Variants in ST7 observed in about 807,000 individuals in gnomAD.
ST7 encodes the protein suppression of tumorigenicity 7, also known as suppressor of tumorigenicity 7 protein.
A neutral mutation model predicts 78.7 loss-of-function variants in ST7; 28 were observed. The ratio of observed to expected loss-of-function variants is 0.36; its 90% CI spans 0.26 to 0.49. The LOEUF (loss-of-function observed/expected upper bound fraction) is 0.49. ST7 is among the 20% of genes least tolerant of loss of function. The pLI is 0.99. For missense variants in ST7, 418 were observed against 696.0 expected (o/e 0.60, Z 4.49); for synonymous variants, 247 against 249.6 (o/e 0.99, Z 0.10).
chr7:117,102,580 CTT>C (rs1801644066), intron 2 of ST7, among the ~76,000 whole-genome samples: 1 of 152,052 alleles, frequency 6.6e-6, no homozygotes, highest in African/African-American at 2.4e-5. Context: ...AGGTTTCTAA[CTT>C]TATTAATTAA....
At chr7:117,060,503 CA>C (rs2116438088) in intron 1 of ST7, among the ~76,000 whole-genome samples, 1 of 152,228 alleles carries the variant, frequency 6.6e-6, no homozygotes, top group East Asian at 1.9e-4. Context: ...AAATGCTTGA[CA>C]AATACATTTA....
At chr7:117,125,047 A>C (rs1224644170) in intron 3 of ST7, among the ~76,000 whole-genome samples, 1 of 152,168 alleles carries the variant, frequency 6.6e-6, no homozygotes. Context: ...AATAGTCTTA[A>C]TGAGGGTAAA....
rs781290828 is a variant in ST7, at chr7:117,136,251, G to C, written c.865+16G>C. ...GCCCAACATAGTAAGGTTTCCTGCA[G>C]GTTGATGCATTGGGGGATCAGAATT... On this transcript the variant is annotated intron_variant, in intron 8 of 15. Coordinates refer to ENST00000323984, the MANE Select transcript of ST7 (RefSeq NM_001369598.1). 1 of 1,613,552 alleles carries C rather than the reference G, an allele frequency of 6.2e-7. No individual in the cohort carries two copies. The highest frequency in any genetic ancestry group is 1.7e-5 in the Admixed American group (1 of 59,960).
chr7:117,095,741 A>G (rs1000497900), intron 1 of ST7, among the ~76,000 whole-genome samples: 1 of 152,174 alleles, frequency 6.6e-6, no homozygotes, highest in Non-Finnish European at 1.5e-5. Flanking sequence ...AGCCCTAACA[A>G]GTATGGAGGT....
chr7:117,097,295 A>G (rs1433635946), intron 1 of ST7, among the ~76,000 whole-genome samples: 1 of 150,866 alleles, frequency 6.6e-6, no homozygotes, highest in Non-Finnish European at 1.5e-5. Flanking sequence ...AATGTTTATA[A>G]TTACAGAATA....
At chr7:117,094,108 C>G (rs1162405532) in intron 1 of ST7, among the ~76,000 whole-genome samples, 1 of 152,158 alleles carries the variant, frequency 6.6e-6, no homozygotes, top group Non-Finnish European at 1.5e-5. Flanking sequence ...GTTAATTTGT[C>G]TCATCATAGT....
chr7:117,078,755 A>G (rs1035712447), intron 1 of ST7, among the ~76,000 whole-genome samples: 1 of 152,200 alleles, frequency 6.6e-6, no homozygotes, highest in African/African-American at 2.4e-5. Context: ...ATTCCAGTAC[A>G]ATTAATAACC....
At chr7:117,226,526 TA>T (rs1185101011) in intron 15 of ST7, among the ~76,000 whole-genome samples, 1 of 152,182 alleles carries the variant, frequency 6.6e-6, no homozygotes, top group South Asian at 2.1e-4. Context: ...GGTCTCCAAC[TA>T]AAAAATATTG....
intron 7 of ST7, among the ~76,000 whole-genome samples, chr7:117,134,902 A>G (rs1804655391): frequency 6.6e-6 from 1 of 151,986 alleles, no homozygotes; most frequent in Non-Finnish European, 1.5e-5. Flanking sequence ...CTGGCTAAAG[A>G]CCTTACAGAC....
chr7:117,103,811 A>G (rs1187461384), intron 2 of ST7, among the ~76,000 whole-genome samples: 1 of 152,226 alleles, frequency 6.6e-6, no homozygotes, highest in Non-Finnish European at 1.5e-5. Context: ...GAGACAAACC[A>G]TAGAATGGGA....
chr7:117,210,025 T>C, intron 13 of ST7, 88 bp downstream of exon 13: 1 of 1,438,918 alleles, frequency 6.9e-7, no homozygotes, highest in Non-Finnish European at 9.4e-7. Flanking sequence ...ATAATGAAGA[T>C]TTACATATGT....
chr7:117,144,465 C>CAA (rs755607145), intron 9 of ST7, among the ~76,000 whole-genome samples: 5 of 123,438 alleles, frequency 4.1e-5, no homozygotes, highest in Non-Finnish European at 7.0e-5. Context: ...CCATCTCTAC[C>CAA]AAAAAAAAAA....
At chr7:117,136,443 C>T (rs1396074904) in intron 8 of ST7, 2 of 626,674 alleles carry the variant, frequency 3.2e-6, no homozygotes, top group Non-Finnish European at 5.5e-6. Flanking sequence ...TATTCACATT[C>T]TCTTTCCTGC....
chr7:117,099,724 C>G (rs1456392334), intron 1 of ST7, 38 bp from the exon 2 acceptor site: 2 of 1,504,696 alleles, frequency 1.3e-6, no homozygotes, highest in East Asian at 4.5e-5. Flanking sequence ...CTCATACATT[C>G]CTTGTTCTTC....
intron 12 of ST7, among the ~76,000 whole-genome samples, chr7:117,205,564 A>T (rs1205633904): frequency 6.6e-6 from 1 of 152,222 alleles, no homozygotes; most frequent in Non-Finnish European, 1.5e-5. Flanking sequence ...TTAAGATCTT[A>T]GCAAAAAGCA....
At chr7:116,997,914 AG>A (rs1794740424) in intron 1 of ST7, among the ~76,000 whole-genome samples, 1 of 152,268 alleles carries the variant, frequency 6.6e-6, no homozygotes, top group Non-Finnish European at 1.5e-5. Flanking sequence ...CACCAGACTC[AG>A]GAGCCCAGCT....
At chr7:117,212,000 G>T (rs150908195) in intron 13 of ST7, among the ~76,000 whole-genome samples, 2 of 152,298 alleles carry the variant, frequency 1.3e-5, no homozygotes, top group African/African-American at 4.8e-5. Flanking sequence ...TTACAGATAG[G>T]CAGGAACCAC....
At chr7:117,127,885 A>G (rs1277480473) in intron 3 of ST7, among the ~76,000 whole-genome samples, 4 of 151,968 alleles carry the variant, frequency 2.6e-5, no homozygotes, top group African/African-American at 4.8e-5. Flanking sequence ...AATAATTTCA[A>G]TTGCATCTGA....
At chr7:117,159,526 G>C (rs1047417296) in intron 9 of ST7, among the ~76,000 whole-genome samples, 1 of 152,206 alleles carries the variant, frequency 6.6e-6, no homozygotes, top group Non-Finnish European at 1.5e-5. Flanking sequence ...ATGCTAGATA[G>C]TGAGCATGTT....
Sources: gnomAD v4.1 joint callset for allele counts (sites outside exome capture counted in the v4.1 genomes callset) on GRCh38, gnomAD v4.1.1 for gene constraint, MANE v1.5 for transcripts, NCBI Gene and HGNC (gene_info 2026-07-23, HGNC 2026-07-21) for gene names.